The following ZNF426 variants were observed in gnomAD, a reference collection of about 807,000 sequenced individuals.
ZNF426 encodes the protein CTC-543D15.7.
ZNF426 carries 23 observed loss-of-function variants against 24.0 expected under a neutral mutation model. The ratio of observed to expected loss-of-function variants is 0.96; its 90% confidence interval spans 0.69 to 1.36. The LOEUF (loss-of-function observed/expected upper bound fraction) is 1.36, where lower values mean the gene tolerates loss of function less well. Among genes scored for constraint, ZNF426 ranks in the 40% most tolerant of loss-of-function variants. The pLI is 0.00. For missense variants in ZNF426, 646 were observed against 658.4 expected, an observed-to-expected ratio of 0.98 and a Z score of 0.21; for synonymous variants, 272 against 224.6, an observed-to-expected ratio of 1.21 and a Z score of -1.89.
intron 6 of ZNF426, among the ~76,000 whole-genome samples, chr19:9,532,305 T>TG (rs2073898655): frequency 8.2e-6 from 1 of 121,288 alleles, no homozygotes; most frequent in Non-Finnish European, 1.7e-5. Flanking sequence ...TTTTGTGGGG[T>TG]GGGGGTCAGT....
At position 9,535,233 on chromosome 19, in the gene ZNF426, T is replaced by A. The variant is rs764669249; in HGVS notation, c.72A>T (p.Thr24=). Residue 24 remains threonine (T), a synonymous_variant, in exon 4 of 8, where the codon ACA becomes ACT. Coordinates refer to ENST00000253115, the MANE Select transcript of ZNF426 (RefSeq NM_024106.3). ...AGTCAGCCACTATTCTTCCTGCTGG[T>A]GTCTTTTCTTCATGAAGGCAAACTG... ...GDPVCLHEEK[T]PAGRIVADCL... is the part of the protein sequence containing the mutation. 1.2e-6 allele frequency: 2 copies of A among 1,613,650 alleles called. No homozygotes were observed. The highest frequency in any genetic ancestry group is 1.7e-5 in the Admixed American group (1 of 59,954).
In ZNF426 at chr19:9,528,161, T is replaced by A; in HGVS notation, c.*219A>T. 2.2e-6 allele frequency: 1 copy of A among 448,578 alleles called. No individual in the cohort carries two copies. The highest frequency in any genetic ancestry group is 3.3e-5 in the South Asian group (1 of 30,568). 27.8% of individuals were successfully genotyped at this position (448,578 alleles called of 1,614,324 possible). ...CCACCACACCTGGCTAAATTTTTTG[T>A]ATTTTCAGTAGAGACAAGGTTTCAC... On this transcript the variant is annotated 3_prime_UTR_variant, in exon 8 of 8. Transcript: ENST00000253115.
At chr19:9,536,943 A>T (rs2073974939) in intron 2 of ZNF426, among the ~76,000 whole-genome samples, 1 of 152,066 alleles carries the variant, frequency 6.6e-6, no homozygotes, top group Admixed American at 6.6e-5. Context: ...GACCGGCCTA[A>T]CCAACACGGT....
Position 9,528,301 on chromosome 19 carries a change from G to A in ZNF426, c.*79C>T. ...ATTTTCATGCAGCTTCTTCTCTCCA[G>A]AGTGAGTTCATTCATGTCTTTAAAG... On this transcript the variant is annotated 3_prime_UTR_variant, in exon 8 of 8. Coordinates refer to ENST00000253115, the MANE Select transcript of ZNF426 (RefSeq NM_024106.3). 7.2e-7 allele frequency: 1 copy of A among 1,380,622 alleles called. No individual in the cohort carries two copies. The highest frequency in any genetic ancestry group is 9.9e-7 in the Non-Finnish European group (1 of 1,014,226). The allele number at this position is 1,380,622 out of a possible 1,614,324, so 85.5% of individuals were successfully genotyped here. A position where few individuals can be genotyped will look rare whatever the true frequency, so the allele number is the denominator to read the frequency against.
At position 9,536,181 on chromosome 19, in the gene ZNF426, T is replaced by C. The variant is rs766015604; in HGVS notation, c.25+27A>G. On this transcript the variant is annotated intron_variant, in intron 3 of 7. Transcript: ENST00000253115. ...TGTGTAAAGGGAACCTAGAACAGGA[T>C]ATCCTAAAAAGAGCAACAGAGCTTA... 7 of 1,614,062 alleles carry C rather than the reference T, an allele frequency of 4.3e-6. No homozygotes were observed. In the South Asian group the frequency reaches 7.7e-5, roughly 18 times the overall value.
chr19:9,532,281 T>C (rs1409538687), intron 6 of ZNF426, among the ~76,000 whole-genome samples: 1 of 144,418 alleles, frequency 6.9e-6, no homozygotes, highest in Non-Finnish European at 1.5e-5. Flanking sequence ...TTTTTTTCTT[T>C]TTTTTTTTTT....
In ZNF426 at chr19:9,523,775, A is replaced by G. The variant is rs2073765125; in HGVS notation, c.*4605T>C. On this transcript the variant is annotated 3_prime_UTR_variant, in exon 8 of 8. Transcript: ENST00000253115. ...AAAGTTCATGCTCCTATGAGAATCT[A>G]ATGCCACTGCTGATCTGACAGAAAG... 1 of 152,244 alleles carries G rather than the reference A, an allele frequency of 6.6e-6. No homozygotes were observed. The highest frequency in any genetic ancestry group is 1.5e-5 in the Non-Finnish European group (1 of 68,062). 9.4% of individuals were successfully genotyped at this position (152,244 alleles called of 1,614,324 possible).
At position 9,525,432 on chromosome 19, in the gene ZNF426, CCAT is replaced by C. The variant is rs1252560821; in HGVS notation, c.*2945_*2947del. 5.3e-5 allele frequency: 8 copies of C among 152,088 alleles called. No individual in the cohort carries two copies. The highest frequency in any genetic ancestry group is 9.7e-5 in the African/African-American group (4 of 41,398). The allele number at this position is 152,088 out of a possible 1,614,324, so 9.4% of individuals were successfully genotyped here. A position where few individuals can be genotyped will look rare whatever the true frequency, so the allele number is the denominator to read the frequency against. On this transcript the variant is annotated 3_prime_UTR_variant, in exon 8 of 8. Coordinates refer to ENST00000253115, the MANE Select transcript of ZNF426 (RefSeq NM_024106.3). ...CCTTACATTCATAGGGCTCTGTCCA[CCAT>C]GAGTTCATGTTTAAGAAAGGCTGAG... is the stretch of plus-strand genomic sequence containing the variant.
intron 4 of ZNF426, 81 bp downstream of exon 4, chr19:9,535,099 AGTCTGGAG>A (rs1555784242): frequency 1.1e-6 from 1 of 916,190 alleles, no homozygotes; most frequent in African/African-American, 1.7e-5. Flanking sequence ...AAAAAAAAGA[AGTCTGGAG>A]ACAACTCTGC....
At chr19:9,534,635 C>A (rs1264548881) in intron 4 of ZNF426, among the ~76,000 whole-genome samples, 1 of 151,754 alleles carries the variant, frequency 6.6e-6, no homozygotes, top group Admixed American at 6.6e-5. Flanking sequence ...TGCTGTGTTG[C>A]CCAGGCTAGA....
rs781004497 is a variant in ZNF426, at chr19:9,535,181, T to C, written c.117+7A>G. On this transcript the variant is annotated splice_region_variant and intron_variant, in intron 4 of 7. Transcript: ENST00000253115. ...TCACTATGTATAAGAATACAGCTGC[T>C]TTTTACCTGATAACAATCTGTTAGG... 1.2e-6 allele frequency: 2 copies of C among 1,611,168 alleles called. No individual in the cohort carries two copies. The highest frequency in any genetic ancestry group is 3.3e-5 in the Admixed American group (2 of 59,810).
At chr19:9,534,890 C>T (rs1433234364) in intron 4 of ZNF426, among the ~76,000 whole-genome samples, 4 of 152,098 alleles carry the variant, frequency 2.6e-5, no homozygotes, top group South Asian at 2.1e-4. Flanking sequence ...CCACCATGCC[C>T]GGCCTGGGAT....
At chr19:9,537,233 A>G (rs947245402) in intron 2 of ZNF426, among the ~76,000 whole-genome samples, 1 of 152,146 alleles carries the variant, frequency 6.6e-6, no homozygotes. Flanking sequence ...GATGATAAAC[A>G]GTGAAAGTTC....
chr19:9,536,105 C>T, intron 3 of ZNF426, 103 bp downstream of exon 3: 1 of 1,516,694 alleles, frequency 6.6e-7, no homozygotes, highest in Non-Finnish European at 9.1e-7. Flanking sequence ...CTCAGCACCT[C>T]CCAAATGAAT....
At position 9,528,879 on chromosome 19, in the gene ZNF426, TCTCCA is replaced by T. The variant is rs1261442421; in HGVS notation, c.1161_1165del (p.Gly388GlufsTer7). 1 of 1,614,088 alleles carries T rather than the reference TCTCCA, an allele frequency of 6.2e-7. No individual in the cohort carries two copies. On this transcript the variant is annotated frameshift_variant, in exon 8 of 8. Transcript: ENST00000253115. LOFTEE classifies it low-confidence loss of function (END_TRUNC). ...ACATTCAACACATACAAAAGGCTTCTCTCCAGTGTGAGTTCTTATATGTTGAATAA... is the reference window on the plus strand; with the variant it reads ...ACATTCAACACATACAAAAGGCTTCTGTGTGAGTTCTTATATGTTGAATAA...
Position 9,526,953 on chromosome 19 carries a change from C to T in ZNF426, c.*1427G>A, listed in dbSNP as rs1317883652. 1 of 152,014 alleles carries T rather than the reference C, an allele frequency of 6.6e-6. No homozygotes were observed. Among genetic ancestry groups the T allele is most frequent in the Non-Finnish European group, 1.5e-5 (1 of 67,996 alleles). 9.4% of individuals were successfully genotyped at this position (152,014 alleles called of 1,614,324 possible). On this transcript the variant is annotated 3_prime_UTR_variant, in exon 8 of 8. Transcript: ENST00000253115. ...TTTATTTTTCTAATACTTAATTGATCTGATAACTTCTGAAAAATAGCTACA... is the reference window on the plus strand; with the variant it reads ...TTTATTTTTCTAATACTTAATTGATTTGATAACTTCTGAAAAATAGCTACA...
rs1414426587 is a variant in ZNF426, at chr19:9,533,941, G to A, written c.143C>T (p.Ala48Val). Residue 48 changes from alanine (A) to valine (V), a missense_variant, in exon 5 of 8, where the codon GCT (alanine) becomes GTT (valine). Ala to Val is a moderately conservative substitution (Grantham distance 64). Transcript: ENST00000253115. ...YQDSVTFDDV[A>V]VDFTQEEWTL... is the part of the protein sequence containing the mutation. ...CCACTCCTCCTGGGTGAAGTCCACA[G>A]CCACATCGTCAAAGGTCACTGAATC... 2 of 1,613,828 alleles carry A rather than the reference G, an allele frequency of 1.2e-6. No individual in the cohort carries two copies. Among genetic ancestry groups the A allele is most frequent in the African/African-American group, 1.3e-5 (1 of 74,916 alleles).
rs2144761997 is a variant in ZNF426, at chr19:9,526,573, A to T, written c.*1807T>A. On this transcript the variant is annotated 3_prime_UTR_variant, in exon 8 of 8. Transcript: ENST00000253115. ...GCAGAAACATCCACACCTGAAAAGC[A>T]AAGAGAAGAATAAAAAAACAAGATA... is the stretch of plus-strand genomic sequence containing the variant. 1 of 152,314 alleles carries T rather than the reference A, an allele frequency of 6.6e-6. No individual in the cohort carries two copies. Among genetic ancestry groups the T allele is most frequent in the Non-Finnish European group, 1.5e-5 (1 of 68,034 alleles). 9.4% of individuals were successfully genotyped at this position (152,314 alleles called of 1,614,324 possible).
rs2073780056 is a variant in ZNF426, at chr19:9,525,215, C to T, written c.*3165G>A. Reference sequence around the variant, plus strand: ...AGTGAGCCGAGATCGCACCACTGCACTCCAGCCTGGGCGACAGAGCGAGAC... The same window carrying T: ...AGTGAGCCGAGATCGCACCACTGCATTCCAGCCTGGGCGACAGAGCGAGAC... On this transcript the variant is annotated 3_prime_UTR_variant, in exon 8 of 8. Transcript: ENST00000253115. The T allele has an allele frequency of 6.6e-6, 1 of 150,802 alleles. No individual in the cohort carries two copies. The highest frequency in any genetic ancestry group is 1.5e-5 in the Non-Finnish European group (1 of 67,772). The allele number at this position is 150,802 out of a possible 1,614,324, so 9.3% of individuals were successfully genotyped here.
Sources: allele counts gnomAD v4.1 joint callset (sites outside exome capture counted in the v4.1 genomes callset), GRCh38; gene constraint gnomAD v4.1.1; transcripts MANE v1.5; gene names NCBI Gene and HGNC (gene_info 2026-07-23, HGNC 2026-07-21).